MCC: variants seen among roughly 807,000 people sequenced by gnomAD.
MCC encodes colorectal mutant cancer protein.
MCC carries 90 observed loss-of-function variants against 116.2 expected under a neutral mutation model. The observed-to-expected ratio is 0.77, with a 90% CI of 0.65 to 0.92. The LOEUF is 0.92. Ranked by LOEUF, MCC falls within the 40% of genes least tolerant of loss-of-function variation. The probability of loss-of-function intolerance (pLI) is 0.00; values close to 1 mark genes in which losing one functional copy is unlikely to be tolerated. For missense variants in MCC, 1,516 were observed against 1,312.2 expected, an observed-to-expected ratio of 1.16 and a Z score of -2.40; for synonymous variants, 578 against 510.5, an observed-to-expected ratio of 1.13 and a Z score of -1.78.
chr5:113,267,581 C>A (rs1765467489), intron 3 of MCC, among the ~76,000 whole-genome samples: 1 of 152,146 alleles, frequency 6.6e-6, no homozygotes, highest in Non-Finnish European at 1.5e-5. Context: ...AACCAAAATC[C>A]AGCAACATAC....
At chr5:113,174,774 GATGAGGGTCTCCCT>G (rs989807268) in intron 3 of MCC, among the ~76,000 whole-genome samples, 4 of 151,968 alleles carry the variant, frequency 2.6e-5, no homozygotes, top group African/African-American at 4.8e-5. Flanking sequence ...TTTTTGTAGA[GATGAGGGTCTCCCT>G]ATGTTGTCCA....
intron 2 of MCC, among the ~76,000 whole-genome samples, chr5:113,358,762 C>T (rs1768473669): frequency 6.6e-6 from 1 of 152,206 alleles, no homozygotes; most frequent in South Asian, 2.1e-4. Context: ...AGCATATTTA[C>T]TATTTCTAGA....
At chr5:113,442,310 G>T (rs1771064755) in intron 1 of MCC, among the ~76,000 whole-genome samples, 2 of 152,194 alleles carry the variant, frequency 1.3e-5, no homozygotes, top group African/African-American at 2.4e-5. Context: ...CTTTTGAGAA[G>T]TGTCTGTTCA....
intron 14 of MCC, among the ~76,000 whole-genome samples, chr5:113,059,054 C>G (rs1408513725): frequency 6.6e-6 from 1 of 152,028 alleles, no homozygotes; most frequent in East Asian, 1.9e-4. Flanking sequence ...GCGCTGCCAC[C>G]CTTAGGGCCC....
At chr5:113,279,775 G>T (rs1477178994) in intron 3 of MCC, among the ~76,000 whole-genome samples, 1 of 152,150 alleles carries the variant, frequency 6.6e-6, no homozygotes, top group Admixed American at 6.5e-5. Flanking sequence ...ATACTAATTT[G>T]TAACAGGATG....
intron 6 of MCC, among the ~76,000 whole-genome samples, chr5:113,114,632 G>A (rs114598858): frequency 0.016 from 2,450 of 152,208 alleles, 55 homozygotes; most frequent in African/African-American, 0.056. Flanking sequence ...AGAGAGCAGA[G>A]AAGGGAAGAA....
rs954774001 is a variant in MCC at position 113,026,494 on chromosome 5, G to C, written c.*808C>G. The C allele has an allele frequency of 6.6e-6, 1 of 152,184 alleles. No homozygotes were observed. Among genetic ancestry groups the C allele is most frequent in the African/African-American group, 2.4e-5 (1 of 41,424 alleles). The allele number at this position is 152,184 out of a possible 1,614,324, so 9.4% of individuals were successfully genotyped here. On this transcript the variant is annotated 3_prime_UTR_variant, in exon 19 of 19. Transcript: ENST00000408903. The stretch of plus-strand genomic sequence containing the variant: ...CTGACAGAATTTTAGTTCCACTACA[G>C]GTATCAAAAAGATTCCCAGCTCTAA...
intron 1 of MCC, among the ~76,000 whole-genome samples, chr5:113,441,106 G>C (rs1043957534): frequency 6.6e-6 from 1 of 152,116 alleles, no homozygotes; most frequent in Non-Finnish European, 1.5e-5. Context: ...AGGCTGAGGC[G>C]GGCAGATCAC....
chr5:113,235,867 C>A (rs1279099770), intron 3 of MCC, among the ~76,000 whole-genome samples: 2 of 152,200 alleles, frequency 1.3e-5, no homozygotes, highest in East Asian at 3.8e-4. Context: ...ACACAAAGAA[C>A]TGGAGTCTGA....
At chr5:113,087,873 T>C (rs1755313557) in intron 8 of MCC, among the ~76,000 whole-genome samples, 1 of 152,132 alleles carries the variant, frequency 6.6e-6, no homozygotes, top group African/African-American at 2.4e-5. Context: ...TTTAAAAACA[T>C]TTCTTCTTCT....
intron 3 of MCC, among the ~76,000 whole-genome samples, chr5:113,243,377 C>T (rs113028048): frequency 0.011 from 1,712 of 152,274 alleles, 33 homozygotes; most frequent in African/African-American, 0.039. Context: ...GTATCCTATA[C>T]TCCTATACTC....
chr5:113,139,572 T>G (rs1383133314), intron 5 of MCC, among the ~76,000 whole-genome samples: 1 of 152,118 alleles, frequency 6.6e-6, no homozygotes, highest in African/African-American at 2.4e-5. Context: ...TCACACCAGT[T>G]AGAATGGCGA....
chr5:113,253,679 G>A (rs1764887868), intron 3 of MCC, among the ~76,000 whole-genome samples: 1 of 151,918 alleles, frequency 6.6e-6, no homozygotes, highest in Non-Finnish European at 1.5e-5. Flanking sequence ...GAAAGCTGGG[G>A]AAAAAAGATA....
At chr5:113,098,024 C>G (rs1041953910) in intron 8 of MCC, among the ~76,000 whole-genome samples, 1 of 152,120 alleles carries the variant, frequency 6.6e-6, no homozygotes. Context: ...CATGAACATG[C>G]AGAAGAATTC....
chr5:113,082,104 A>G (rs1222235631), intron 11 of MCC, among the ~76,000 whole-genome samples: 1 of 152,244 alleles, frequency 6.6e-6, no homozygotes, highest in Non-Finnish European at 1.5e-5. Context: ...CTTTGTTAGC[A>G]ACTCCCTCAT....
intron 1 of MCC, among the ~76,000 whole-genome samples, chr5:113,466,508 C>T (rs934826291): frequency 2.3e-4 from 35 of 152,076 alleles, no homozygotes; most frequent in African/African-American, 8.2e-4. Flanking sequence ...ACAAAGGACA[C>T]AAACTCATCA....
intron 5 of MCC, among the ~76,000 whole-genome samples, chr5:113,129,451 A>C (rs1017965181): frequency 2.0e-5 from 3 of 152,212 alleles, no homozygotes. Context: ...AGGGTGGCTT[A>C]AACAACAGAA....
chr5:113,425,806 A>G (rs887093050), intron 1 of MCC, among the ~76,000 whole-genome samples: 1 of 152,038 alleles, frequency 6.6e-6, no homozygotes, highest in African/African-American at 2.4e-5. Context: ...AATATCTAGT[A>G]TCTATCTGAC....
intron 2 of MCC, among the ~76,000 whole-genome samples, chr5:113,353,948 T>C (rs1049950116): frequency 6.6e-6 from 1 of 152,216 alleles, no homozygotes; most frequent in African/African-American, 2.4e-5. Flanking sequence ...TTCAAAAGCT[T>C]ACCACTGTTC....
Sources: allele counts gnomAD v4.1 joint callset (sites outside exome capture counted in the v4.1 genomes callset), GRCh38; gene constraint gnomAD v4.1.1; transcripts MANE v1.5; gene names NCBI Gene and HGNC (gene_info 2026-07-23, HGNC 2026-07-21).